Variants in EFL1 observed in about 807,000 individuals in gnomAD.
EFL1 encodes the protein elongation factor-like GTPase 1.
A neutral mutation model predicts 126.7 loss-of-function variants in EFL1; 76 were observed. The ratio of observed to expected loss-of-function variants is 0.60; its 90% CI spans 0.50 to 0.73. The LOEUF (loss-of-function observed/expected upper bound fraction) is 0.73, where lower values mean the gene tolerates loss of function less well. Ranked by LOEUF, EFL1 falls within the 30% of genes least tolerant of loss-of-function variation. The pLI is 0.00. For missense variants in EFL1, 1,128 were observed against 1,343.2 expected, an observed-to-expected ratio of 0.84 and a Z score of 2.50; for synonymous variants, 410 against 448.4, an observed-to-expected ratio of 0.91 and a Z score of 1.08.
intron 17 of EFL1, among the ~76,000 whole-genome samples, chr15:82,155,339 T>C (rs2073956404): frequency 6.6e-6 from 1 of 151,796 alleles, no homozygotes; most frequent in Admixed American, 6.6e-5. Flanking sequence ...CCATCTCTAC[T>C]AAAAATATAA....
chr15:82,209,692 C>T (rs1157706593), intron 15 of EFL1, among the ~76,000 whole-genome samples: 1 of 152,204 alleles, frequency 6.6e-6, no homozygotes, highest in Non-Finnish European at 1.5e-5. Context: ...CTGGTCCCAT[C>T]TATACCAACT....
At chr15:82,253,492 A>G (rs1012728679) in intron 3 of EFL1, among the ~76,000 whole-genome samples, 31 of 152,124 alleles carry the variant, frequency 2.0e-4, no homozygotes, top group African/African-American at 6.8e-4. Context: ...GCTCATCCAA[A>G]TATCAGCCGT....
intron 15 of EFL1, among the ~76,000 whole-genome samples, chr15:82,164,599 TAGAA>T (rs2074058129): frequency 1.3e-5 from 2 of 152,104 alleles, no homozygotes; most frequent in Non-Finnish European, 1.5e-5. Flanking sequence ...AAGAATGTCT[TAGAA>T]AGAGTGATAA....
At chr15:82,260,723 C>G (rs1211969639) in intron 2 of EFL1, among the ~76,000 whole-genome samples, 1 of 152,196 alleles carries the variant, frequency 6.6e-6, no homozygotes, top group African/African-American at 2.4e-5. Flanking sequence ...AAATGGAGAT[C>G]TGAACTTAGG....
At chr15:82,168,618 T>C (rs1422818736) in intron 15 of EFL1, among the ~76,000 whole-genome samples, 1 of 152,194 alleles carries the variant, frequency 6.6e-6, no homozygotes, top group Non-Finnish European at 1.5e-5. Flanking sequence ...GTTCCAGCGA[T>C]TCTCCCATCT....
chr15:82,184,044 G>A (rs1398430434), intron 15 of EFL1, among the ~76,000 whole-genome samples: 1 of 152,194 alleles, frequency 6.6e-6, no homozygotes, highest in African/African-American at 2.4e-5. Flanking sequence ...ATGTGAATCA[G>A]GCTAGATAGT....
intron 15 of EFL1, among the ~76,000 whole-genome samples, chr15:82,189,605 G>A (rs965814639): frequency 6.6e-6 from 1 of 151,954 alleles, no homozygotes; most frequent in African/African-American, 2.4e-5. Context: ...TTATTTCAAG[G>A]TCTAGGTTAA....
At chr15:82,172,724 C>T (rs1010581125) in intron 15 of EFL1, among the ~76,000 whole-genome samples, 11 of 152,194 alleles carry the variant, frequency 7.2e-5, no homozygotes, top group Admixed American at 3.3e-4. Context: ...TCACTCATGG[C>T]GTATGAGTCA....
At chr15:82,138,933 C>T in intron 18 of EFL1, 91 bp from the exon 19 acceptor site, 1 of 1,157,952 alleles carries the variant, frequency 8.6e-7, no homozygotes, top group Non-Finnish European at 1.2e-6. Context: ...TGTAACAATC[C>T]ATAAATGATT....
chr15:82,226,490 G>A (rs1436746153), intron 11 of EFL1, among the ~76,000 whole-genome samples: 1 of 152,162 alleles, frequency 6.6e-6, no homozygotes, highest in Non-Finnish European at 1.5e-5. Context: ...GGCCATAGAT[G>A]ACTCCAAGGT....
chr15:82,224,761 C>T (rs558435545), intron 12 of EFL1, among the ~76,000 whole-genome samples: 1 of 152,334 alleles, frequency 6.6e-6, no homozygotes, highest in African/African-American at 2.4e-5. Flanking sequence ...CTACACCTAT[C>T]ACACCTGTGC....
At chr15:82,192,121 C>A (rs2074365947) in intron 15 of EFL1, among the ~76,000 whole-genome samples, 1 of 152,048 alleles carries the variant, frequency 6.6e-6, no homozygotes, top group Non-Finnish European at 1.5e-5. Flanking sequence ...AAATTACAGG[C>A]CAGGCACGGT....
chr15:82,138,683 G>C lies in EFL1; in HGVS notation c.3149C>G (p.Pro1050Arg), dbSNP rs1192702455. The change falls in exon 19 of 20, where the codon CCA (proline) becomes CGA (arginine). Residue 1050 changes from proline (P) to arginine (R), a missense_variant. Transcript: ENST00000268206. Reference sequence around the variant, plus strand: ...CTCCCAATGGCTGAATACTAGTTGTGGGCTGGCCAGGCCACTTGTCCTCTT... The same window carrying C: ...CTCCCAATGGCTGAATACTAGTTGTCGGCTGGCCAGGCCACTTGTCCTCTT... ...IRKRTSGLAS[P>R]QLVFSHWEII... The C allele has an allele frequency of 6.2e-7, 1 of 1,613,834 alleles. No homozygotes were observed. Among genetic ancestry groups the C allele is most frequent in the South Asian group, 1.1e-5 (1 of 91,030 alleles).
At chr15:82,158,604 T>C (rs891962780) in intron 16 of EFL1, among the ~76,000 whole-genome samples, 5 of 152,208 alleles carry the variant, frequency 3.3e-5, no homozygotes, top group Non-Finnish European at 7.3e-5. Context: ...GCAGTCTTGT[T>C]TCAATTCTAC....
intron 3 of EFL1, among the ~76,000 whole-genome samples, chr15:82,253,406 A>C (rs2141340274): frequency 6.6e-6 from 1 of 150,796 alleles, no homozygotes; most frequent in East Asian, 1.9e-4. Context: ...AGGGGAAGGG[A>C]ACATGAAAAA....
At chr15:82,229,238 A>T in intron 8 of EFL1, 128 bp from the exon 9 acceptor site, 1 of 741,294 alleles carries the variant, frequency 1.3e-6, no homozygotes, top group Non-Finnish European at 2.1e-6. Flanking sequence ...AAAATAAAGT[A>T]GATGAAAGTA....
Position 82,225,206 on chromosome 15 carries a change from C to T in EFL1, c.1251G>A (p.Met417Ile). 1 of 1,611,920 alleles carries T rather than the reference C, an allele frequency of 6.2e-7. No individual in the cohort carries two copies. The highest frequency in any genetic ancestry group is 8.5e-7 in the Non-Finnish European group (1 of 1,179,406). ...GCAAGGCCTTAGCATCAACTGCAAA[C>T]ATTTTGGAAACAAATATAATAACTG... is the stretch of plus-strand genomic sequence containing the variant. The part of the protein sequence containing the change: ...TAPVIIFVSK[M>I]FAVDAKALPQ... The change falls in exon 12 of 20, where the codon ATG becomes ATA. Residue 417 changes from methionine to isoleucine, a missense_variant. Physicochemically the swap from Met to Ile is conservative, Grantham distance 10. Around this residue, in one of 6 missense-constraint regions of EFL1, gnomAD observed 316 missense variants for 318.5 expected, o/e 0.99. Coordinates refer to ENST00000268206, the MANE Select transcript of EFL1 (RefSeq NM_024580.6).
intron 15 of EFL1, among the ~76,000 whole-genome samples, chr15:82,183,564 G>A (rs369803156): frequency 1.6e-4 from 25 of 152,250 alleles, no homozygotes; most frequent in African/African-American, 6.0e-4. Context: ...GAACAGGTTT[G>A]GTGATAACTT....
intron 7 of EFL1, among the ~76,000 whole-genome samples, chr15:82,234,580 C>CA (rs1338620897): frequency 1.3e-5 from 2 of 152,048 alleles, no homozygotes; most frequent in Admixed American, 1.3e-4. Context: ...CTGCCCAAGA[C>CA]AAAATCTGGT....
Sources: gnomAD v4.1 joint callset for allele counts (sites outside exome capture counted in the v4.1 genomes callset) on GRCh38, gnomAD v4.1.1 for gene constraint, gnomAD v4.1.1 regional missense constraint, MANE v1.5 for transcripts, NCBI Gene and HGNC (gene_info 2026-07-23, HGNC 2026-07-21) for gene names.